Variants in FER1L5 observed in about 807,000 individuals in gnomAD.
FER1L5 encodes fer-1-like protein 5.
A neutral mutation model predicts 279.9 loss-of-function variants in FER1L5; 187 were observed. The observed-to-expected ratio is 0.67, with a 90% CI of 0.59 to 0.75. FER1L5 has a LOEUF of 0.75. Ranked by LOEUF, FER1L5 falls within the 30% of genes least tolerant of loss-of-function variation. FER1L5 has a pLI of 0.00. For missense variants in FER1L5, 2,091 were observed against 2,594.4 expected, an observed-to-expected ratio of 0.81 and a Z score of 4.21; for synonymous variants, 921 against 989.7, an observed-to-expected ratio of 0.93 and a Z score of 1.30.
At chr2:96,659,408 T>C (rs1327512367) in intron 9 of FER1L5, among the ~76,000 whole-genome samples, 107 of 5,406 alleles carry the variant, frequency 0.02, no homozygotes, top group Non-Finnish European at 0.026. Flanking sequence ...TTTCTTTCTT[T>C]CTTTCTTTCT....
intron 19 of FER1L5, among the ~76,000 whole-genome samples, chr2:96,680,639 T>C (rs2076685170): frequency 6.6e-6 from 1 of 152,198 alleles, no homozygotes; most frequent in African/African-American, 2.4e-5. Flanking sequence ...GTATTTTACA[T>C]ACTGATTTTG....
chr2:96,673,216 T>C lies in FER1L5; in HGVS notation c.1631T>C (p.Leu544Pro), dbSNP rs1457625043. ...AAGATGGACCTGAATTACAAGCCTC[T>C]AGTCTCAAGCACACCGTACAGCCCA... is the stretch of plus-strand genomic sequence containing the variant. ...GNKMDLNYKPLVSSTPYSPVI... is the reference protein window; with the variant it reads ...GNKMDLNYKPPVSSTPYSPVI... Residue 544 changes from leucine to proline, a missense_variant, in exon 19 of 53, where the codon CTA (leucine) becomes CCA (proline). Physicochemically the swap from Leu to Pro is moderately conservative, Grantham distance 98. Coordinates refer to ENST00000624922, the MANE Select transcript of FER1L5 (RefSeq NM_001293083.2). The C allele has an allele frequency of 1.9e-6, 3 of 1,551,440 alleles. No individual in the cohort carries two copies. Among genetic ancestry groups the C allele is most frequent in the East Asian group, 4.9e-5 (2 of 40,922 alleles).
At chr2:96,693,722 C>T (rs1001329899) in intron 32 of FER1L5, 35 bp downstream of exon 32, 1 of 1,539,982 alleles carries the variant, frequency 6.5e-7, no homozygotes, top group Non-Finnish European at 8.8e-7. Flanking sequence ...GGGAAGAGGA[C>T]CTACCTCACA....
intron 8 of FER1L5, 137 bp from the exon 9 acceptor site, chr2:96,654,309 T>C (rs2075504531): frequency 5.1e-6 from 2 of 392,320 alleles, no homozygotes; most frequent in Non-Finnish European, 9.0e-6. Context: ...AGAACACCCA[T>C]GTGCAAGTGT....
chr2:96,699,010 G>A lies in FER1L5; in HGVS notation c.4519-35G>A, dbSNP rs193291527. 183 of 1,583,060 alleles carry A rather than the reference G, an allele frequency of 1.2e-4. 1 individual carries two copies. In the Admixed American group the frequency reaches 3.2e-3, roughly 27 times the overall value. ...CTGACAAACCTGGACGGCCTCCCCA[G>A]TTCCTATCCTTCCCCCACTTGTATC... is the stretch of plus-strand genomic sequence containing the variant. On this transcript the variant is annotated intron_variant, in intron 41 of 52. Coordinates refer to ENST00000624922, the MANE Select transcript of FER1L5 (RefSeq NM_001293083.2).
chr2:96,694,764 G>C lies in FER1L5; in HGVS notation c.3741+300G>C, dbSNP rs996097264. The C allele has an allele frequency of 1.3e-4, 34 of 259,976 alleles. No homozygotes were observed. Among genetic ancestry groups the C allele is most frequent in the African/African-American group, 7.5e-4 (34 of 45,170 alleles). The allele number at this position is 259,976 out of a possible 1,614,324, so 16.1% of individuals were successfully genotyped here. On this transcript the variant is annotated intron_variant, in intron 34 of 52. Coordinates refer to ENST00000624922, the MANE Select transcript of FER1L5 (RefSeq NM_001293083.2). This position sits in a 1 kb window ranked among gnomAD's most constrained non-coding sequence, Gnocchi z 4.6. ...ACTACTTTGCAGAGAAGGAAATAGA[G>C]GCTCCAAGAGATAACACATTCCACG...
In FER1L5 at chr2:96,689,473, C is replaced by A; in HGVS notation, c.2525+97C>A. The A allele has an allele frequency of 6.6e-7, 1 of 1,516,320 alleles. No homozygotes were observed. Among genetic ancestry groups the A allele is most frequent in the Non-Finnish European group, 8.9e-7 (1 of 1,126,332 alleles). 93.9% of individuals were successfully genotyped at this position (1,516,320 alleles called of 1,614,324 possible). On this transcript the variant is annotated intron_variant, in intron 25 of 52. Transcript: ENST00000624922. The surrounding 1 kb of genome is among the most constrained non-coding windows in gnomAD (Gnocchi z 4.6). Reference sequence around the variant, plus strand: ...AAAGATGGGTACCTAGCCCCTAAGCCTGGTGCCAGAGGGCCGAGGTGCACC... The same window carrying A: ...AAAGATGGGTACCTAGCCCCTAAGCATGGTGCCAGAGGGCCGAGGTGCACC...
At chr2:96,651,607 C>A (rs1180579150) in intron 6 of FER1L5, among the ~76,000 whole-genome samples, 1 of 151,714 alleles carries the variant, frequency 6.6e-6, no homozygotes, top group Non-Finnish European at 1.5e-5. Flanking sequence ...CTCAGGTGAT[C>A]CTCCCACCTC....
intron 9 of FER1L5, among the ~76,000 whole-genome samples, chr2:96,655,597 T>C (rs1475369822): frequency 1.3e-5 from 2 of 152,164 alleles, no homozygotes; most frequent in Non-Finnish European, 2.9e-5. Context: ...AAATGTTAGA[T>C]GGTAGGAGGT....
chr2:96,653,837 C>A, intron 8 of FER1L5, 135 bp downstream of exon 8: 1 of 633,870 alleles, frequency 1.6e-6, no homozygotes, highest in Non-Finnish European at 2.8e-6. Flanking sequence ...CCACTTTCTT[C>A]ACCCCCTGGC....
chr2:96,692,020 G>C (rs948256014), intron 30 of FER1L5, 57 bp downstream of exon 30: 15 of 386,672 alleles, frequency 3.9e-5, no homozygotes, highest in Non-Finnish European at 4.7e-5. Context: ...ACCCGAGGGC[G>C]GGGGGGGGGG....
chr2:96,663,193 T>C (rs2076013221), intron 13 of FER1L5, among the ~76,000 whole-genome samples: 1 of 152,138 alleles, frequency 6.6e-6, no homozygotes, highest in Admixed American at 6.5e-5. Context: ...AAAAATGAAG[T>C]CTATTGAAAG....
intron 13 of FER1L5, 148 bp downstream of exon 13, chr2:96,662,415 T>G: frequency 1.3e-6 from 1 of 760,646 alleles, no homozygotes; most frequent in Non-Finnish European, 2.2e-6. Flanking sequence ...TGGAACTCTG[T>G]GCAGGCGGAG....
intron 14 of FER1L5, among the ~76,000 whole-genome samples, chr2:96,667,887 G>T (rs1003069758): frequency 6.6e-6 from 1 of 151,940 alleles, no homozygotes. Flanking sequence ...TTGAAACAAG[G>T]TCTCACTCTG....
Position 96,689,397 on chromosome 2 carries a change from C to T in FER1L5, c.2525+21C>T. On this transcript the variant is annotated intron_variant, in intron 25 of 52. Transcript: ENST00000624922. This position sits in a 1 kb window ranked among gnomAD's most constrained non-coding sequence, Gnocchi z 4.6. ...AGAAGGTAAGGCCAGAGGGGGCAGG[C>T]CCCACCAGAGGGGACACTTCACCTG... is the stretch of plus-strand genomic sequence containing the variant. The T allele has an allele frequency of 6.5e-7, 1 of 1,545,234 alleles. No individual in the cohort carries two copies. The highest frequency in any genetic ancestry group is 2.4e-5 in the East Asian group (1 of 40,884).
intron 18 of FER1L5, 60 bp from the exon 19 acceptor site, chr2:96,673,017 G>T (rs1235149453): frequency 1.6e-5 from 24 of 1,503,294 alleles, no homozygotes; most frequent in Non-Finnish European, 2.1e-5. Context: ...CTCCCTGCCT[G>T]TCAATATAAC....
At chr2:96,693,771 GA>G (rs1161693611) in intron 32 of FER1L5, 84 bp downstream of exon 32, 46 of 1,491,206 alleles carry the variant, frequency 3.1e-5, no homozygotes, top group Non-Finnish European at 3.8e-5. Context: ...AAAATGTATG[GA>G]AAGTGCTCCC....
At chr2:96,658,498 C>T (rs532348047) in intron 9 of FER1L5, among the ~76,000 whole-genome samples, 26 of 151,784 alleles carry the variant, frequency 1.7e-4, no homozygotes, top group Non-Finnish European at 3.1e-4. Flanking sequence ...TGTATTAGCC[C>T]GCCTCGGCCT....
chr2:96,688,304 C>G (rs189935466), intron 24 of FER1L5, among the ~76,000 whole-genome samples: 2 of 152,180 alleles, frequency 1.3e-5, no homozygotes, highest in Non-Finnish European at 2.9e-5. Context: ...ATCAACAGCA[C>G]GTGAAGTGAG....
Sources: allele counts gnomAD v4.1 joint callset (sites outside exome capture counted in the v4.1 genomes callset), GRCh38; gene constraint gnomAD v4.1.1; non-coding constraint Gnocchi (gnomAD v3.1); transcripts MANE v1.5; gene names NCBI Gene and HGNC (gene_info 2026-07-23, HGNC 2026-07-21).